Variants in NKAIN2 observed in about 807,000 individuals in gnomAD.
The protein encoded by NKAIN2 is sodium/potassium transporting ATPase interacting 2, also known as sodium/potassium-transporting ATPase subunit beta-1-interacting protein 2.
A neutral mutation model predicts 32.6 loss-of-function variants in NKAIN2; 14 were observed. The observed-to-expected ratio is 0.43, with a 90% CI of 0.28 to 0.67. The LOEUF is 0.67. Ranked by LOEUF, NKAIN2 falls within the 30% of genes least tolerant of loss-of-function variation. NKAIN2 has a pLI of 0.17. For synonymous variants in NKAIN2, 80 were observed against 87.2 expected (o/e 0.92, Z 0.46); for missense variants, 198 against 258.3 (o/e 0.77, Z 1.60).
At chr6:124,653,996 TATTC>T (rs1784454102) in intron 3 of NKAIN2, among the ~76,000 whole-genome samples, 1 of 152,122 alleles carries the variant, frequency 6.6e-6, no homozygotes, top group East Asian at 1.9e-4. Context: ...AATTTTGTAA[TATTC>T]ATACAACCAA....
chr6:124,139,928 A>G (rs1034235954), intron 1 of NKAIN2, among the ~76,000 whole-genome samples: 3 of 152,218 alleles, frequency 2.0e-5, no homozygotes, highest in African/African-American at 7.2e-5. Context: ...TTTAGGATCT[A>G]TGATGCATAA....
At chr6:124,534,416 G>T (rs1335265326) in intron 3 of NKAIN2, among the ~76,000 whole-genome samples, 2 of 152,190 alleles carry the variant, frequency 1.3e-5, no homozygotes, top group African/African-American at 2.4e-5. Flanking sequence ...CTCCCAAAGT[G>T]CTGGAATTAC....
At chr6:124,193,562 A>G (rs1790137242) in intron 1 of NKAIN2, among the ~76,000 whole-genome samples, 1 of 152,190 alleles carries the variant, frequency 6.6e-6, no homozygotes, top group Non-Finnish European at 1.5e-5. Context: ...TCTGGCTCCC[A>G]GAAGGGCCGC....
intron 1 of NKAIN2, among the ~76,000 whole-genome samples, chr6:124,175,587 G>T (rs571444126): frequency 1.8e-4 from 28 of 152,070 alleles, no homozygotes; most frequent in Non-Finnish European, 4.0e-4. Context: ...AAATTTCAAT[G>T]ACTACCCACT....
In NKAIN2 at chr6:124,114,538, A is replaced by G. The variant is rs1462767103; in HGVS notation, c.55-168467A>G. The stretch of plus-strand genomic sequence containing the variant: ...AAATATCTATTTGAAAATCATCAGC[A>G]TATAGATGTTAATAAAGCCATGAGA... On this transcript the variant is annotated intron_variant, in intron 1 of 6. Coordinates refer to ENST00000368417, the MANE Select transcript of NKAIN2 (RefSeq NM_001040214.3). Among the ~76,000 whole-genome samples, 5 of 152,134 alleles carry G rather than the reference A, an allele frequency of 3.3e-5. No individual in the cohort carries two copies. In the South Asian group the frequency reaches 1.0e-3, roughly 31 times the overall value.
chr6:123,835,426 G>T (rs1774576307), intron 1 of NKAIN2, among the ~76,000 whole-genome samples: 1 of 152,098 alleles, frequency 6.6e-6, no homozygotes, highest in South Asian at 2.1e-4. Context: ...CAATCTATCT[G>T]CCCATCTATT....
At chr6:124,012,217 TC>T (rs1368469903) in intron 1 of NKAIN2, among the ~76,000 whole-genome samples, 1 of 151,906 alleles carries the variant, frequency 6.6e-6, no homozygotes, top group Non-Finnish European at 1.5e-5. Flanking sequence ...CATCTCTCCA[TC>T]CCCACCCCCA....
chr6:123,856,516 C>T (rs755937506), intron 1 of NKAIN2, among the ~76,000 whole-genome samples: 10 of 152,128 alleles, frequency 6.6e-5, no homozygotes, highest in Non-Finnish European at 1.3e-4. Flanking sequence ...TACTCTATAT[C>T]GTAAAGTTGG....
At chr6:124,653,838 G>T (rs1340773985) in intron 3 of NKAIN2, among the ~76,000 whole-genome samples, 1 of 152,042 alleles carries the variant, frequency 6.6e-6, no homozygotes, top group Non-Finnish European at 1.5e-5. Flanking sequence ...AATAGGCAAA[G>T]AACTCTTAAA....
chr6:124,060,754 T>C (rs1782886713), intron 1 of NKAIN2, among the ~76,000 whole-genome samples: 1 of 152,180 alleles, frequency 6.6e-6, no homozygotes, highest in African/African-American at 2.4e-5. Context: ...CGTCAGTGTT[T>C]AATTATAAAA....
At chr6:124,398,508 T>C (rs933061746) in intron 3 of NKAIN2, among the ~76,000 whole-genome samples, 1 of 152,068 alleles carries the variant, frequency 6.6e-6, no homozygotes, top group Non-Finnish European at 1.5e-5. Context: ...AATTAGTCTA[T>C]GGAGATCCAA....
intron 1 of NKAIN2, among the ~76,000 whole-genome samples, chr6:123,820,991 T>C (rs1392069585): frequency 2.0e-5 from 3 of 152,194 alleles, no homozygotes; most frequent in Non-Finnish European, 4.4e-5. Context: ...GAAAACACTT[T>C]AGCTGTTTCA....
At chr6:124,626,377 A>G (rs985291725) in intron 3 of NKAIN2, among the ~76,000 whole-genome samples, 1 of 152,058 alleles carries the variant, frequency 6.6e-6, no homozygotes, top group African/African-American at 2.4e-5. Context: ...TATGCCATCA[A>G]TGAATCACAG....
At chr6:124,676,224 G>T (rs183865753) in intron 4 of NKAIN2, among the ~76,000 whole-genome samples, 29 of 152,176 alleles carry the variant, frequency 1.9e-4, no homozygotes, top group East Asian at 1.5e-3. Flanking sequence ...AATCTGTCAT[G>T]ACTTATTTTG....
intron 4 of NKAIN2, among the ~76,000 whole-genome samples, chr6:124,734,061 G>A (rs1259256320): frequency 6.9e-6 from 1 of 145,228 alleles, no homozygotes; most frequent in Non-Finnish European, 1.5e-5. Context: ...ATGAGGAAAT[G>A]CACACACACA....
chr6:124,789,754 T>A (rs541626409), intron 4 of NKAIN2, among the ~76,000 whole-genome samples: 1 of 152,144 alleles, frequency 6.6e-6, no homozygotes, highest in Non-Finnish European at 1.5e-5. Context: ...GACTCTATTA[T>A]ATAAAGAAGT....
intron 1 of NKAIN2, among the ~76,000 whole-genome samples, chr6:123,883,658 T>TTTA (rs577012613): frequency 0.33 from 47,197 of 145,126 alleles, 8,263 homozygotes; most frequent in East Asian, 0.49. Context: ...AAATTTTTTT[T>TTTA]AAAATTTTAA....
At chr6:124,562,244 G>C (rs1407270446) in intron 3 of NKAIN2, among the ~76,000 whole-genome samples, 1 of 152,106 alleles carries the variant, frequency 6.6e-6, no homozygotes. Context: ...AGAGTAAAAA[G>C]GTTTCTTCCT....
At chr6:124,601,335 G>A (rs145609079) in intron 3 of NKAIN2, among the ~76,000 whole-genome samples, 66 of 152,086 alleles carry the variant, frequency 4.3e-4, no homozygotes, top group South Asian at 4.2e-4. Context: ...ACCTGTGTTC[G>A]TTGACAACTA....
Sources: allele counts gnomAD v4.1 joint callset (sites outside exome capture counted in the v4.1 genomes callset), GRCh38; gene constraint gnomAD v4.1.1; transcripts MANE v1.5; gene names NCBI Gene and HGNC (gene_info 2026-07-23, HGNC 2026-07-21).